The following ASIC5 variants were observed in gnomAD, a reference collection of about 807,000 sequenced individuals.
ASIC5 encodes the protein acid sensing ion channel subunit family member 5, also known as bile acid-sensitive ion channel.
ASIC5 carries 52 observed loss-of-function variants against 51.2 expected under a neutral mutation model. That is an observed-to-expected ratio of 1.02 (90% CI 0.81 to 1.28). The LOEUF (loss-of-function observed/expected upper bound fraction) is 1.28. Ranked by LOEUF, ASIC5 falls within the 50% of genes most tolerant of loss-of-function variation. The probability of loss-of-function intolerance (pLI) is 0.00; values close to 1 mark genes in which losing one functional copy is unlikely to be tolerated. For missense variants in ASIC5, 635 were observed against 595.0 expected (o/e 1.07, Z -0.70); for synonymous variants, 231 against 200.7 (o/e 1.15, Z -1.28).
At chr4:155,839,330 C>A (rs1250808035) in intron 6 of ASIC5, among the ~76,000 whole-genome samples, 1 of 131,452 alleles carries the variant, frequency 7.6e-6, no homozygotes, top group Non-Finnish European at 1.6e-5. Context: ...ATCTTCCATC[C>A]TGCTCCCTCT....
intron 4 of ASIC5, among the ~76,000 whole-genome samples, chr4:155,844,326 C>CA (rs372700628): frequency 4.6e-5 from 7 of 151,722 alleles, no homozygotes; most frequent in Middle Eastern, 3.2e-3. Flanking sequence ...AACAAACAAA[C>CA]AAAAAAAACT....
intron 1 of ASIC5, 132 bp from the exon 2 acceptor site, chr4:155,863,886 A>G: frequency 1.3e-6 from 1 of 748,918 alleles, no homozygotes; most frequent in South Asian, 2.0e-5. Flanking sequence ...AGAAACTAAA[A>G]ATTCATCTTT....
intron 4 of ASIC5, among the ~76,000 whole-genome samples, chr4:155,849,678 G>A (rs1301372442): frequency 6.6e-6 from 1 of 151,462 alleles, no homozygotes; most frequent in East Asian, 1.9e-4. Context: ...ATTTTTTCTT[G>A]GCTACAAGCC....
At chr4:155,851,008 T>TATTTGTAATTCAAATAGA (rs1169008743) in intron 4 of ASIC5, among the ~76,000 whole-genome samples, 2 of 152,066 alleles carry the variant, frequency 1.3e-5, no homozygotes, top group African/African-American at 4.8e-5. Flanking sequence ...CTAAATATTC[T>TATTTGTAATTCAAATAGA]ATTTGTAATT....
chr4:155,855,818 G>A (rs1014326665), intron 2 of ASIC5, among the ~76,000 whole-genome samples: 1 of 151,734 alleles, frequency 6.6e-6, no homozygotes, highest in African/African-American at 2.4e-5. Context: ...GGCTGCTGCA[G>A]GGTCAGCTAA....
At chr4:155,845,597 C>T (rs1426124714) in intron 4 of ASIC5, among the ~76,000 whole-genome samples, 3 of 151,918 alleles carry the variant, frequency 2.0e-5, no homozygotes, top group East Asian at 1.9e-4. Flanking sequence ...ATAATTCTAC[C>T]GTTTTTTGGA....
chr4:155,836,908 T>C (rs1386279886), intron 7 of ASIC5, 51 bp from the exon 8 acceptor site: 2 of 1,341,580 alleles, frequency 1.5e-6, no homozygotes, highest in Non-Finnish European at 2.1e-6. Flanking sequence ...TATTTCATCA[T>C]GGGTAGGATA....
Position 155,831,813 on chromosome 4 carries a change from A to C in ASIC5, c.1327+11T>G. 6.6e-7 allele frequency: 1 copy of C among 1,515,888 alleles called. No homozygotes were observed. The highest frequency in any genetic ancestry group is 9.1e-7 in the Non-Finnish European group (1 of 1,093,804). 93.9% of individuals were successfully genotyped at this position (1,515,888 alleles called of 1,614,324 possible). ...AATAAATAAAATAAGGAGCAATTAA[A>C]TAACACTTACCAAGTAACTCAGACA... On this transcript the variant is annotated intron_variant, in intron 9 of 9. Coordinates refer to ENST00000537611, the MANE Select transcript of ASIC5 (RefSeq NM_017419.3).
intron 3 of ASIC5, among the ~76,000 whole-genome samples, chr4:155,853,120 G>T (rs1015864096): frequency 6.6e-6 from 1 of 151,950 alleles, no homozygotes; most frequent in Non-Finnish European, 1.5e-5. Flanking sequence ...ACAGAAATGG[G>T]TTTCTGTAAT....
At chr4:155,830,408 G>A (rs896424768) in intron 9 of ASIC5, among the ~76,000 whole-genome samples, 1 of 152,142 alleles carries the variant, frequency 6.6e-6, no homozygotes, top group East Asian at 1.9e-4. Context: ...GGCACTACTG[G>A]ATGATGATGT....
At position 155,829,973 on chromosome 4, in the gene ASIC5, T is replaced by A; in HGVS notation, c.1401A>T (p.Leu467=). The A allele has an allele frequency of 1.2e-6, 2 of 1,602,618 alleles. No individual in the cohort carries two copies. The highest frequency in any genetic ancestry group is 1.7e-6 in the Non-Finnish European group (2 of 1,174,258). ...LITIIEIIEY[L]FTNFYWICIF... ...TGCATATCCAGTAGAAATTGGTGAA[T>A]AGATATTCAATAATTTCTATGATCG... Residue 467 remains leucine, a synonymous_variant, in exon 10 of 10, where the codon CTA becomes CTT. Transcript: ENST00000537611.
At chr4:155,844,644 C>T (rs751590119) in intron 4 of ASIC5, among the ~76,000 whole-genome samples, 1 of 151,792 alleles carries the variant, frequency 6.6e-6, no homozygotes, top group Non-Finnish European at 1.5e-5. Flanking sequence ...GGTTCTTTCT[C>T]TCATTGGATT....
chr4:155,836,893 AG>A (rs1475983223), intron 7 of ASIC5, 36 bp from the exon 8 acceptor site: 1 of 1,470,716 alleles, frequency 6.8e-7, no homozygotes, highest in Non-Finnish European at 9.3e-7. Context: ...TTCAGAGAAG[AG>A]AAATATTTCA....
In ASIC5 at chr4:155,838,953, C is replaced by T. The variant is rs1377803664; in HGVS notation, c.1010-84G>A. The stretch of plus-strand genomic sequence containing the variant: ...ATGACAAAAATACCTTTCTTACCTA[C>T]ATCTATCCATCCATTCATCCACCCA... On this transcript the variant is annotated intron_variant, in intron 6 of 9. Coordinates refer to ENST00000537611, the MANE Select transcript of ASIC5 (RefSeq NM_017419.3). The T allele has an allele frequency of 4.3e-6, 3 of 691,696 alleles. No homozygotes were observed. The Admixed American group carries it at 8.3e-5, about 19-fold the overall frequency. 42.8% of individuals were successfully genotyped at this position (691,696 alleles called of 1,614,324 possible). A position where few individuals can be genotyped will look rare whatever the true frequency, so the allele number is the denominator to read the frequency against.
chr4:155,856,488 T>C (rs1741543642), intron 2 of ASIC5, among the ~76,000 whole-genome samples: 1 of 152,126 alleles, frequency 6.6e-6, no homozygotes, highest in South Asian at 2.1e-4. Context: ...CTTAACTAGC[T>C]CTGATACTTG....
chr4:155,853,458 C>T (rs1195809980), intron 3 of ASIC5, among the ~76,000 whole-genome samples: 1 of 151,396 alleles, frequency 6.6e-6, no homozygotes, highest in Non-Finnish European at 1.5e-5. Flanking sequence ...AGATCTAGTA[C>T]TTTATCTTAA....
intron 8 of ASIC5, among the ~76,000 whole-genome samples, chr4:155,833,643 C>T (rs1336175210): frequency 6.6e-6 from 1 of 152,158 alleles, no homozygotes; most frequent in Non-Finnish European, 1.5e-5. Flanking sequence ...TCTTTGTCCC[C>T]CATTGTGCTC....
intron 2 of ASIC5, 117 bp from the exon 3 acceptor site, chr4:155,854,431 T>C (rs1443171347): frequency 1.3e-6 from 1 of 784,978 alleles, no homozygotes. Context: ...TCTCCCTTAT[T>C]TGCAAGACAT....
chr4:155,851,009 A>G (rs1451032106), intron 4 of ASIC5, among the ~76,000 whole-genome samples: 1 of 152,026 alleles, frequency 6.6e-6, no homozygotes, highest in African/African-American at 2.4e-5. Flanking sequence ...TAAATATTCT[A>G]TTTGTAATTC....
Sources: gnomAD v4.1 joint callset for allele counts (sites outside exome capture counted in the v4.1 genomes callset) on GRCh38, gnomAD v4.1.1 for gene constraint, MANE v1.5 for transcripts, NCBI Gene and HGNC (gene_info 2026-07-23, HGNC 2026-07-21) for gene names.